ELMO1: variants seen among roughly 807,000 people sequenced by gnomAD.
The protein encoded by ELMO1 is engulfment and cell motility 1.
In ELMO1, 26 loss-of-function variants were observed where a neutral mutation model predicts 98.9. The ratio of observed to expected loss-of-function variants is 0.26; its 90% confidence interval spans 0.19 to 0.36. ELMO1 has a LOEUF of 0.36. ELMO1 is among the 10% of genes least tolerant of loss of function. The pLI is 1.00. For synonymous variants in ELMO1, 346 were observed against 346.0 expected (o/e 1.00, Z 0.00); for missense variants, 627 against 935.2 (o/e 0.67, Z 4.30).
chr7:37,193,357 T>C (rs1288954709), intron 13 of ELMO1, among the ~76,000 whole-genome samples: 1 of 152,066 alleles, frequency 6.6e-6, no homozygotes, highest in Non-Finnish European at 1.5e-5. Context: ...CTGCCTAACA[T>C]TTTCCCAGAA....
intron 10 of ELMO1, among the ~76,000 whole-genome samples, chr7:37,218,609 T>C (rs141209078): frequency 1.3e-5 from 2 of 152,312 alleles, no homozygotes; most frequent in Non-Finnish European, 2.9e-5. Flanking sequence ...AAAGTATAGA[T>C]AGCTACAAAT....
At chr7:36,942,696 G>C (rs1362404253) in intron 16 of ELMO1, among the ~76,000 whole-genome samples, 8 of 152,226 alleles carry the variant, frequency 5.3e-5, no homozygotes, top group Non-Finnish European at 1.2e-4. Flanking sequence ...TGGGTTCACT[G>C]TGTTCTGGCT....
At position 37,436,857 on chromosome 7, in the gene ELMO1, A is replaced by G. The variant is rs75102272; in HGVS notation, c.-74+11818T>C. On this transcript the variant is annotated intron_variant, in intron 1 of 21. Coordinates refer to ENST00000310758, the MANE Select transcript of ELMO1 (RefSeq NM_014800.11). ...GAACGTGCTGGGACAATGGGGCCAC[A>G]CTGGGTCTGTACACTTGGGACTACA... Among the ~76,000 whole-genome samples, 1,400 of 152,330 alleles carry G rather than the reference A, an allele frequency of 9.2e-3. 16 individuals are homozygous for G. Among genetic ancestry groups the G allele is most frequent in the African/African-American group, 0.032 (1,317 of 41,576 alleles).
intron 4 of ELMO1, among the ~76,000 whole-genome samples, chr7:37,305,303 A>G (rs1798552213): frequency 6.6e-6 from 1 of 152,216 alleles, no homozygotes; most frequent in African/African-American, 2.4e-5. Flanking sequence ...AACAAAAGTG[A>G]TAATACTTTG....
chr7:36,877,972 G>T, intron 19 of ELMO1, 38 bp downstream of exon 19: 1 of 1,515,992 alleles, frequency 6.6e-7, no homozygotes, highest in Non-Finnish European at 9.1e-7. Context: ...ACAACCAACC[G>T]ACCACCACTC....
At position 37,447,623 on chromosome 7, in the gene ELMO1, A is replaced by G. The variant is rs915047343; in HGVS notation, c.-74+1052T>C. 4.8e-4 allele frequency among the ~76,000 whole-genome samples: 71 copies of G among 148,520 alleles called. 1 individual carries two copies. The highest frequency in any genetic ancestry group is 1.7e-3 in the African/African-American group (65 of 38,852). On this transcript the variant is annotated intron_variant, in intron 1 of 21. Transcript: ENST00000310758. ...GTCACACACACACACACCGACTCAC[A>G]CACACACCCACAACACCCCCCCCAC...
chr7:36,897,331 T>TGC (rs879285007), intron 16 of ELMO1, among the ~76,000 whole-genome samples: 4,024 of 140,832 alleles, frequency 0.029, 103 homozygotes, highest in African/African-American at 0.06. Context: ...CAGACGTGTG[T>TGC]GTGTGTGTGT....
In ELMO1 at chr7:37,344,033, A is replaced by ATTTTTTTT. The variant is rs10626425; in HGVS notation, c.-73-1278_-73-1271dup. On this transcript the variant is annotated intron_variant, in intron 1 of 21. Transcript: ENST00000310758. ...CCACTTTCTTTATATAAAAGGCAGC[A>ATTTTTTTT]TTTTTTTTTTTTTTTTGAGACAGAG... 9.7e-5 allele frequency among the ~76,000 whole-genome samples: 13 copies of ATTTTTTTT among 134,584 alleles called. 3 individuals are homozygous for ATTTTTTTT. The highest frequency in any genetic ancestry group is 1.4e-4 in the African/African-American group (5 of 35,342). 88.3% of individuals were successfully genotyped at this position (134,584 alleles called of 152,430 possible).
chr7:37,100,655 T>C (rs1168722780), intron 14 of ELMO1, among the ~76,000 whole-genome samples: 1 of 152,232 alleles, frequency 6.6e-6, no homozygotes, highest in Non-Finnish European at 1.5e-5. Context: ...GAGGGCTTCT[T>C]CCATGCCCTG....
intron 15 of ELMO1, among the ~76,000 whole-genome samples, chr7:37,089,967 C>T (rs12701545): frequency 0.16 from 24,971 of 152,076 alleles, 2,478 homozygotes; most frequent in African/African-American, 0.28. Flanking sequence ...CACAGTCACA[C>T]GCCAAAGTGT....
intron 14 of ELMO1, among the ~76,000 whole-genome samples, chr7:37,099,196 G>T (rs1029084955): frequency 6.6e-6 from 1 of 152,058 alleles, no homozygotes; most frequent in African/African-American, 2.4e-5. Context: ...AAATAAACCC[G>T]CCGCCTTCTT....
intron 16 of ELMO1, among the ~76,000 whole-genome samples, chr7:36,998,809 G>A (rs758350842): frequency 4.0e-5 from 6 of 151,864 alleles, no homozygotes; most frequent in Non-Finnish European, 7.4e-5. Context: ...TTATATTCTC[G>A]GTGTGGGCAG....
chr7:37,348,263 G>C (rs371601469), intron 1 of ELMO1, among the ~76,000 whole-genome samples: 3 of 152,066 alleles, frequency 2.0e-5, no homozygotes, highest in Non-Finnish European at 4.4e-5. Context: ...GTAGACAGCC[G>C]GGTACAATAA....
At chr7:37,402,841 A>C (rs13245887) in intron 1 of ELMO1, among the ~76,000 whole-genome samples, 35,375 of 152,112 alleles carry the variant, frequency 0.23, 4,340 homozygotes, top group East Asian at 0.43. Context: ...CATGGAAAAT[A>C]AAAAAGCAAG....
intron 13 of ELMO1, among the ~76,000 whole-genome samples, chr7:37,146,142 C>A (rs1403875102): frequency 1.3e-5 from 2 of 152,120 alleles, no homozygotes; most frequent in Non-Finnish European, 2.9e-5. Context: ...TTAAAGCTCC[C>A]CAGAACATTG....
intron 16 of ELMO1, among the ~76,000 whole-genome samples, chr7:37,001,580 AG>A (rs777930241): frequency 3.3e-5 from 5 of 152,362 alleles, no homozygotes; most frequent in Non-Finnish European, 7.3e-5. Flanking sequence ...ATGCTGTGGG[AG>A]TAGACATACA....
intron 13 of ELMO1, among the ~76,000 whole-genome samples, chr7:37,162,431 C>G (rs1789288455): frequency 6.6e-6 from 1 of 152,180 alleles, no homozygotes; most frequent in Admixed American, 6.5e-5. Flanking sequence ...TTGCTAATCA[C>G]ATCCGAGTCA....
intron 15 of ELMO1, among the ~76,000 whole-genome samples, chr7:37,049,410 T>A (rs1185396819): frequency 4.6e-5 from 7 of 152,202 alleles, no homozygotes; most frequent in Admixed American, 4.6e-4. Flanking sequence ...TAAAACTATG[T>A]GATGCGTCCA....
At chr7:36,857,398 C>T (rs1014505093) in intron 21 of ELMO1, among the ~76,000 whole-genome samples, 14 of 152,066 alleles carry the variant, frequency 9.2e-5, no homozygotes, top group African/African-American at 3.4e-4. Flanking sequence ...CACGCAGGTA[C>T]GGGTGCCACT....
Sources: allele counts gnomAD v4.1 joint callset (sites outside exome capture counted in the v4.1 genomes callset), GRCh38; gene constraint gnomAD v4.1.1; transcripts MANE v1.5; gene names NCBI Gene and HGNC (gene_info 2026-07-23, HGNC 2026-07-21).